DNAH9: variants seen among roughly 807,000 people sequenced by gnomAD.
DNAH9 encodes dynein axonemal heavy chain 9, also known as DNAH9 variant protein.
Under a neutral mutation model 471.6 loss-of-function variants are expected in DNAH9, and 345 were observed. That is an observed-to-expected ratio of 0.73 (90% confidence interval 0.67 to 0.80). The LOEUF (loss-of-function observed/expected upper bound fraction) is 0.80. DNAH9 is among the 30% of genes least tolerant of loss of function. DNAH9 has a pLI of 0.00. For missense variants in DNAH9, 5,407 were observed against 5,609.2 expected (o/e 0.96, Z 1.15); for synonymous variants, 2,093 against 2,123.6 (o/e 0.99, Z 0.40).
intron 28 of DNAH9, among the ~76,000 whole-genome samples, chr17:11,736,021 T>C (rs965663788): frequency 6.6e-6 from 1 of 152,178 alleles, no homozygotes; most frequent in Non-Finnish European, 1.5e-5. Flanking sequence ...CTTTTTATTT[T>C]GAACCAATTT....
intron 19 of DNAH9, among the ~76,000 whole-genome samples, chr17:11,686,066 A>G (rs2074237614): frequency 6.6e-6 from 1 of 152,008 alleles, no homozygotes; most frequent in Non-Finnish European, 1.5e-5. Flanking sequence ...GGCCTCCAAA[A>G]GTGCTGGGAT....
At chr17:11,779,682 G>C (rs773812122) in intron 38 of DNAH9, among the ~76,000 whole-genome samples, 1 of 152,158 alleles carries the variant, frequency 6.6e-6, no homozygotes, top group African/African-American at 2.4e-5. Context: ...TTTCCTATTA[G>C]AAGAACTGTT....
chr17:11,850,251 C>T (rs1971369263), intron 49 of DNAH9, among the ~76,000 whole-genome samples: 1 of 152,120 alleles, frequency 6.6e-6, no homozygotes. Context: ...ATGCATCGGG[C>T]AGATATTTGG....
At chr17:11,898,472 G>C (rs1973295928) in intron 59 of DNAH9, among the ~76,000 whole-genome samples, 1 of 152,158 alleles carries the variant, frequency 6.6e-6, no homozygotes, top group African/African-American at 2.4e-5. Context: ...GTCCACACTA[G>C]TGACTTCTTT....
chr17:11,617,290 C>G (rs2073632236), intron 4 of DNAH9, 121 bp from the exon 5 acceptor site: 1 of 656,642 alleles, frequency 1.5e-6, no homozygotes, highest in African/African-American at 1.8e-5. Context: ...AGGAAGTTTT[C>G]TGGAACCAGC....
At chr17:11,955,500 ACCTACCTATATG>A (rs1975593695) in intron 67 of DNAH9, among the ~76,000 whole-genome samples, 2 of 152,160 alleles carry the variant, frequency 1.3e-5, no homozygotes, top group Non-Finnish European at 2.9e-5. Context: ...AAAAAGCAAG[ACCTACCTATATG>A]CTGTTATGTC....
At chr17:11,736,401 C>T (rs867774578) in intron 28 of DNAH9, among the ~76,000 whole-genome samples, 30 of 152,282 alleles carry the variant, frequency 2.0e-4, no homozygotes, top group African/African-American at 6.3e-4. Flanking sequence ...AGTTGCCAAA[C>T]GACCTGTGTG....
intron 27 of DNAH9, among the ~76,000 whole-genome samples, chr17:11,722,551 G>T (rs2150806513): frequency 6.6e-6 from 1 of 152,266 alleles, no homozygotes; most frequent in East Asian, 1.9e-4. Flanking sequence ...GGCAGTCAGT[G>T]GTGAAGCAAA....
intron 60 of DNAH9, among the ~76,000 whole-genome samples, chr17:11,904,413 G>A (rs1175931103): frequency 6.6e-6 from 1 of 151,806 alleles, no homozygotes; most frequent in Admixed American, 6.6e-5. Context: ...GGAGGATCAC[G>A]AGGTCAGGAG....
chr17:11,831,797 A>G (rs1970694047), intron 48 of DNAH9, among the ~76,000 whole-genome samples: 1 of 152,152 alleles, frequency 6.6e-6, no homozygotes, highest in South Asian at 2.1e-4. Flanking sequence ...TGCTCTCTTT[A>G]GCATCATGTG....
intron 50 of DNAH9, 127 bp from the exon 51 acceptor site, chr17:11,869,007 G>T (rs1972163027): frequency 8.9e-7 from 1 of 1,119,192 alleles, no homozygotes. Context: ...TGCTTTCCCT[G>T]GTCCCATAGG....
chr17:11,766,982 A>AGG (rs1567787116), intron 36 of DNAH9, among the ~76,000 whole-genome samples: 1 of 150,414 alleles, frequency 6.6e-6, no homozygotes, highest in Non-Finnish European at 1.5e-5. Flanking sequence ...AAAAAAAAAA[A>AGG]AAAGAAAGAA....
intron 39 of DNAH9, among the ~76,000 whole-genome samples, chr17:11,783,094 C>A (rs1307131266): frequency 6.6e-6 from 1 of 152,162 alleles, no homozygotes; most frequent in Admixed American, 6.5e-5. Flanking sequence ...AAATCCTTTG[C>A]AAGCTTGTCC....
chr17:11,761,619 T>G (rs1967670166), intron 35 of DNAH9, among the ~76,000 whole-genome samples: 1 of 151,834 alleles, frequency 6.6e-6, no homozygotes, highest in Non-Finnish European at 1.5e-5. Context: ...GCTTGCCCCT[T>G]CTCTGCTTTG....
intron 9 of DNAH9, among the ~76,000 whole-genome samples, chr17:11,638,676 C>T (rs371046676): frequency 1.3e-5 from 2 of 152,292 alleles, no homozygotes; most frequent in Middle Eastern, 3.4e-3. Context: ...TGAGCCACCA[C>T]GCCTGGCCCT....
chr17:11,742,554 C>T (rs1184390705), intron 30 of DNAH9, among the ~76,000 whole-genome samples: 2 of 152,154 alleles, frequency 1.3e-5, no homozygotes, highest in African/African-American at 4.8e-5. Flanking sequence ...CTTAGCAACA[C>T]ATCACAGACA....
At chr17:11,642,819 G>A (rs924505149) in intron 10 of DNAH9, among the ~76,000 whole-genome samples, 4 of 152,166 alleles carry the variant, frequency 2.6e-5, no homozygotes, top group Non-Finnish European at 2.9e-5. Context: ...GCGCCCATTC[G>A]GGCTGGAGCA....
At chr17:11,775,914 G>A (rs147000337) in intron 38 of DNAH9, among the ~76,000 whole-genome samples, 1 of 152,250 alleles carries the variant, frequency 6.6e-6, no homozygotes, top group East Asian at 1.9e-4. Context: ...TTTTATAGAG[G>A]AGGCAGCTGG....
intron 17 of DNAH9, among the ~76,000 whole-genome samples, chr17:11,672,218 C>A (rs555593073): frequency 1.3e-5 from 2 of 152,306 alleles, no homozygotes; most frequent in South Asian, 4.1e-4. Flanking sequence ...TCATTCAGCT[C>A]TTCCTGCCCT....
Sources: allele counts gnomAD v4.1 joint callset (sites outside exome capture counted in the v4.1 genomes callset), GRCh38; gene constraint gnomAD v4.1.1; transcripts MANE v1.5; gene names NCBI Gene and HGNC (gene_info 2026-07-23, HGNC 2026-07-21).